The following QTMAN variants were observed in gnomAD, a reference collection of about 807,000 sequenced individuals.
QTMAN encodes queuosine-tRNA mannosyltransferase.
At chr2:144,262,978 A>AGAGGG in the QTMAN span, among the ~76,000 whole-genome samples, 2 of 39,572 alleles carry the variant, frequency 5.1e-5, no homozygotes, top group East Asian at 1.9e-3. Flanking sequence ...GGAAGGGAGG[A>AGAGGG]GAGGGGAGGG....
At chr2:144,105,207 T>G in the QTMAN span, among the ~76,000 whole-genome samples, 2 of 151,886 alleles carry the variant, frequency 1.3e-5, no homozygotes, top group African/African-American at 4.8e-5. Flanking sequence ...CCTCTCCCCC[T>G]CCAAAGGAAC....
At chr2:144,275,726 T>C in the QTMAN span, among the ~76,000 whole-genome samples, 1 of 152,182 alleles carries the variant, frequency 6.6e-6, no homozygotes, top group Non-Finnish European at 1.5e-5. Flanking sequence ...CATCCTGGCC[T>C]CACAAGTCCA....
chr2:144,271,235 T>C, the QTMAN span, among the ~76,000 whole-genome samples: 4 of 152,232 alleles, frequency 2.6e-5, no homozygotes, highest in Non-Finnish European at 5.9e-5. Context: ...TGGAAATAGC[T>C]GTTACATAAA....
the QTMAN span, among the ~76,000 whole-genome samples, chr2:144,109,704 A>C: frequency 2.0e-5 from 3 of 152,144 alleles, no homozygotes; most frequent in Non-Finnish European, 4.4e-5. Context: ...AGAAAAAAAA[A>C]ACAACCCCAC....
chr2:144,298,929 T>TA, the QTMAN span, among the ~76,000 whole-genome samples: 1 of 152,172 alleles, frequency 6.6e-6, no homozygotes, highest in Non-Finnish European at 1.5e-5. Context: ...AATGCCTCCT[T>TA]AGCTTCTAAC....
chr2:144,085,807 C>T, the QTMAN span, among the ~76,000 whole-genome samples: 6 of 152,106 alleles, frequency 3.9e-5, no homozygotes, highest in East Asian at 1.2e-3. Flanking sequence ...CTCAAGACAG[C>T]TACATCTTCA....
At chr2:143,997,138 T>G in the QTMAN span, among the ~76,000 whole-genome samples, 1 of 152,082 alleles carries the variant, frequency 6.6e-6, no homozygotes, top group African/African-American at 2.4e-5. Context: ...TAAATCTTTT[T>G]CTACTCTGTA....
chr2:144,287,417 C>A, the QTMAN span, among the ~76,000 whole-genome samples: 2 of 142,380 alleles, frequency 1.4e-5, no homozygotes, highest in South Asian at 2.2e-4. Flanking sequence ...CCAGCCTGGG[C>A]GACAGAGCAA....
chr2:143,959,339 C>A, the QTMAN span, among the ~76,000 whole-genome samples: 1 of 151,328 alleles, frequency 6.6e-6, no homozygotes, highest in Non-Finnish European at 1.5e-5. Context: ...AAAAAAAAAA[C>A]ACTTGCTAAA....
chr2:144,031,162 T>C, the QTMAN span, among the ~76,000 whole-genome samples: 7 of 152,136 alleles, frequency 4.6e-5, no homozygotes, highest in Admixed American at 1.3e-4. Context: ...TGATTCACAA[T>C]TGATCTGGGA....
the QTMAN span, among the ~76,000 whole-genome samples, chr2:144,066,061 T>A: frequency 6.6e-6 from 1 of 152,188 alleles, no homozygotes; most frequent in South Asian, 2.1e-4. Flanking sequence ...ATCTTAAAAG[T>A]TGAAAAAAAT....
At chr2:143,977,049 A>C in the QTMAN span, among the ~76,000 whole-genome samples, 1 of 152,240 alleles carries the variant, frequency 6.6e-6, no homozygotes, top group Admixed American at 6.5e-5. Flanking sequence ...GTGAGGAATG[A>C]AGAAATGTCT....
the QTMAN span, among the ~76,000 whole-genome samples, chr2:144,259,314 T>C: frequency 6.6e-6 from 1 of 152,054 alleles, no homozygotes. Flanking sequence ...ACACGTCACC[T>C]CACCTTGCTA....
At chr2:144,318,632 T>C in the QTMAN span, among the ~76,000 whole-genome samples, 1 of 152,226 alleles carries the variant, frequency 6.6e-6, no homozygotes, top group Non-Finnish European at 1.5e-5. Flanking sequence ...GCGATGTTAG[T>C]TGCACTGCAC....
At chr2:144,293,281 A>G in the QTMAN span, among the ~76,000 whole-genome samples, 3 of 152,260 alleles carry the variant, frequency 2.0e-5, no homozygotes, top group Non-Finnish European at 4.4e-5. Context: ...GAATGGCTAC[A>G]AAGATGAGAG....
the QTMAN span, among the ~76,000 whole-genome samples, chr2:144,283,328 G>C: frequency 6.6e-6 from 1 of 152,098 alleles, no homozygotes; most frequent in African/African-American, 2.4e-5. Context: ...ATAACCAGTT[G>C]GTGTCAGACA....
chr2:144,109,217 A>G, the QTMAN span, among the ~76,000 whole-genome samples: 1 of 152,236 alleles, frequency 6.6e-6, no homozygotes, highest in East Asian at 1.9e-4. Context: ...ATGTAATAGA[A>G]CAGAGCCCTC....
chr2:144,162,850 G>C, the QTMAN span, among the ~76,000 whole-genome samples: 40 of 152,304 alleles, frequency 2.6e-4, no homozygotes, highest in African/African-American at 9.4e-4. Context: ...GAATGGCTCA[G>C]GTACTGTGCA....
chr2:143,981,532 T>C, the QTMAN span, among the ~76,000 whole-genome samples: 1 of 152,236 alleles, frequency 6.6e-6, no homozygotes, highest in Admixed American at 6.5e-5. Flanking sequence ...CCGAAACTTG[T>C]TTCTGATTTT....
Sources: allele counts gnomAD v4.1 joint callset (sites outside exome capture counted in the v4.1 genomes callset), GRCh38; gene constraint gnomAD v4.1.1; transcripts MANE v1.5; gene names NCBI Gene and HGNC (gene_info 2026-07-23, HGNC 2026-07-21).